Variants in APC2 observed in about 807,000 individuals in gnomAD.
APC2 encodes adenomatous polyposis coli protein 2.
A neutral mutation model predicts 72.5 loss-of-function variants in APC2; 41 were observed. The ratio of observed to expected loss-of-function variants is 0.57; its 90% CI spans 0.44 to 0.73. APC2 has a LOEUF of 0.73. Among genes scored for constraint, APC2 ranks in the 30% least tolerant of loss-of-function variants. The pLI is 0.00. For missense variants in APC2, 3,729 were observed against 3,403.4 expected, an observed-to-expected ratio of 1.10 and a Z score of -2.38; for synonymous variants, 1,898 against 1,612.0, an observed-to-expected ratio of 1.18 and a Z score of -4.25.
In APC2 at chr19:1,460,837, G is replaced by C. The variant is rs372789581; in HGVS notation, c.1501G>C (p.Asp501His). Reference protein sequence around the residue: ...MEAIVAQLASDSEELHQVVSS... With the variant: ...MEAIVAQLASHSEELHQVVSS... The stretch of plus-strand genomic sequence containing the variant: ...GGCCATCGTGGCCCAGCTGGCCTCC[G>C]ACAGTGAGGAGCTCCACCAGGTACA... The change falls in exon 12 of 15, where the codon GAC becomes CAC. Residue 501 changes from aspartate to histidine, a missense_variant. Physicochemically the swap from Asp to His is moderately conservative, Grantham distance 81 (BLOSUM62 -1). Transcript: ENST00000590469. 6.2e-6 allele frequency: 10 copies of C among 1,613,172 alleles called. No individual in the cohort carries two copies. In the Admixed American group the frequency reaches 1.5e-4, roughly 24 times the overall value.
Position 1,466,295 on chromosome 19 carries a change from C to G in APC2, c.2994C>G (p.Thr998=). Reference sequence around the variant, plus strand: ...TGCGCACCATCAAGCTGTCGCCTACCTATCAGCACGTGCCACTGCTTGAGG... The same window carrying G: ...TGCGCACCATCAAGCTGTCGCCTACGTATCAGCACGTGCCACTGCTTGAGG... ...ARVRTIKLSP[T]YQHVPLLEGA... is the part of the protein sequence containing the mutation. Residue 998 remains threonine, a synonymous_variant, in exon 15 of 15, where the codon ACC becomes ACG. Transcript: ENST00000590469. 1 of 1,536,658 alleles carries G rather than the reference C, an allele frequency of 6.5e-7. No homozygotes were observed. The highest frequency in any genetic ancestry group is 1.4e-5 in the African/African-American group (1 of 72,910).
At chr19:1,464,420 G>A (rs963725339) in intron 14 of APC2, among the ~76,000 whole-genome samples, 2 of 151,790 alleles carry the variant, frequency 1.3e-5, no homozygotes, top group Non-Finnish European at 1.5e-5. Context: ...CCTGGTCATC[G>A]TGGCTCACGC....
intron 10 of APC2, 34 bp from the exon 11 acceptor site, chr19:1,460,147 C>A (rs1396499824): frequency 6.2e-7 from 1 of 1,612,128 alleles, no homozygotes; most frequent in Non-Finnish European, 8.5e-7. Flanking sequence ...CAGGGTCATC[C>A]CTGCCACCCA....
chr19:1,450,584 G>A (rs1204719899), intron 1 of APC2, among the ~76,000 whole-genome samples: 1 of 152,214 alleles, frequency 6.6e-6, no homozygotes, highest in Non-Finnish European at 1.5e-5. Flanking sequence ...GAAGGGATGG[G>A]CAGGCCAGTG....
upstream of APC2, among the ~76,000 whole-genome samples, chr19:1,449,654 C>G (rs1034034153): frequency 1.3e-5 from 2 of 152,082 alleles, no homozygotes; most frequent in African/African-American, 4.8e-5. Flanking sequence ...CTCCCCTCCC[C>G]ACCAGGCAGG....
chr19:1,460,701 A>C, intron 11 of APC2, 79 bp from the exon 12 acceptor site: 1 of 1,417,408 alleles, frequency 7.1e-7, no homozygotes, highest in Non-Finnish European at 9.7e-7. Context: ...GCTGCAGCAC[A>C]CAGACGGGGC....
Position 1,468,868 on chromosome 19 carries a change from G to A in APC2, c.5567G>A (p.Ser1856Asn). 1 of 1,544,086 alleles carries A rather than the reference G, an allele frequency of 6.5e-7. No individual in the cohort carries two copies. Among genetic ancestry groups the A allele is most frequent in the Non-Finnish European group, 8.7e-7 (1 of 1,152,670 alleles). Residue 1856 changes from serine to asparagine, a missense_variant, in exon 15 of 15, where the codon AGC becomes AAC. Transcript: ENST00000590469. ...PAKTSELATL[S>N]QPPRSATPPA... The stretch of plus-strand genomic sequence containing the variant: ...AAGACCTCGGAGCTGGCGACGCTGA[G>A]CCAGCCCCCCAGAAGCGCCACACCG...
chr19:1,456,017 G>C (rs1006121916), intron 6 of APC2, 59 bp from the exon 7 acceptor site: 3 of 1,476,736 alleles, frequency 2.0e-6, no homozygotes, highest in Non-Finnish European at 2.7e-6. Context: ...AGGGAGAGGC[G>C]GGGTCAGAGC....
At chr19:1,463,706 C>T (rs1367361191) in intron 14 of APC2, among the ~76,000 whole-genome samples, 3 of 152,010 alleles carry the variant, frequency 2.0e-5, no homozygotes, top group South Asian at 2.1e-4. Flanking sequence ...CCTGTGATCA[C>T]GCTACTGCAC....
At chr19:1,460,403 C>T (rs1056690375) in intron 11 of APC2, 83 bp downstream of exon 11, 28 of 1,583,616 alleles carry the variant, frequency 1.8e-5, no homozygotes, top group East Asian at 2.2e-5. Flanking sequence ...ATCCCAGCCT[C>T]GAAACAGCCC....
At position 1,452,168 on chromosome 19, in the gene APC2, A is replaced by T. The variant is rs972889707; in HGVS notation, c.-18-816A>T. The stretch of plus-strand genomic sequence containing the variant: ...CGAGCCGAGGGAGGAGGCGCCGGCC[A>T]GCTGGACAGAGGGAGGAGGCCAGGC... On this transcript the variant is annotated intron_variant, in intron 1 of 14. Transcript: ENST00000590469. This position sits in a 1 kb window ranked among gnomAD's most constrained non-coding sequence, Gnocchi z 5.1. 6.5e-6 allele frequency: 1 copy of T among 153,464 alleles called. No individual in the cohort carries two copies. The highest frequency in any genetic ancestry group is 2.4e-5 in the African/African-American group (1 of 41,428). The allele number at this position is 153,464 out of a possible 1,614,324, so 9.5% of individuals were successfully genotyped here.
Position 1,468,060 on chromosome 19 carries a change from A to G in APC2, c.4759A>G (p.Ser1587Gly), listed in dbSNP as rs767728609. 1.9e-6 allele frequency: 3 copies of G among 1,570,170 alleles called. No homozygotes were observed. The highest frequency in any genetic ancestry group is 2.4e-5 in the East Asian group (1 of 41,430). The change falls in exon 15 of 15, where the codon AGC becomes GGC. Residue 1587 changes from serine (S) to glycine (G), a missense_variant. Physicochemically the swap from Ser to Gly is moderately conservative, Grantham distance 56. Transcript: ENST00000590469. ...YSLSSSASSL[S>G]EPEPSEPPAV... ...CCTGAGCTCCTCCGCCAGCTCCCTC[A>G]GCGAGCCCGAGCCCTCGGAGCCGCC...
intron 4 of APC2, among the ~76,000 whole-genome samples, chr19:1,454,465 A>G (rs1227551460): frequency 6.6e-6 from 1 of 151,332 alleles, no homozygotes; most frequent in Non-Finnish European, 1.5e-5. Flanking sequence ...TGCAGCCTCG[A>G]ACTCCTGGGT....
Position 1,453,347 on chromosome 19 carries a change from G to A in APC2, c.232+10G>A. ...CTGGAGCAGCTGAAGGGTGAGCGGTGGGGCCACCCGCAGAGGGAGTGGGGG... is the reference window on the plus strand; with the variant it reads ...CTGGAGCAGCTGAAGGGTGAGCGGTAGGGCCACCCGCAGAGGGAGTGGGGG... On this transcript the variant is annotated intron_variant, in intron 3 of 14. Coordinates refer to ENST00000590469, the MANE Select transcript of APC2 (RefSeq NM_005883.3). 3.1e-6 allele frequency: 5 copies of A among 1,609,834 alleles called. No homozygotes were observed. The highest frequency in any genetic ancestry group is 2.2e-5 in the East Asian group (1 of 44,716).
chr19:1,453,959 G>A (rs1380873867), intron 4 of APC2, among the ~76,000 whole-genome samples: 2 of 152,208 alleles, frequency 1.3e-5, no homozygotes, highest in African/African-American at 2.4e-5. Flanking sequence ...GCCAGGCCTG[G>A]AGCCAGGCGG....
Position 1,460,851 on chromosome 19 carries a change from C to T in APC2, c.1515C>T (p.Leu505=), listed in dbSNP as rs754414499. 4 of 1,613,190 alleles carry T rather than the reference C, an allele frequency of 2.5e-6. No homozygotes were observed. In the Admixed American group the frequency reaches 6.7e-5, roughly 27 times the overall value. The change falls in exon 12 of 15, where the codon CTC becomes CTT. Residue 505 remains leucine, a synonymous_variant. Transcript: ENST00000590469. ...AGCTGGCCTCCGACAGTGAGGAGCT[C>T]CACCAGGTACAGGGCGGGGTGCTGG... The part of the protein sequence containing the change: ...VAQLASDSEE[L]HQVVSSILRN...
At chr19:1,447,843 G>A (rs2145168418), upstream of APC2, among the ~76,000 whole-genome samples, 1 of 152,244 alleles carries the variant, frequency 6.6e-6, no homozygotes, top group East Asian at 1.9e-4. Context: ...CAGGCAACAC[G>A]TTCCCTGGCC....
chr19:1,448,888 C>A (rs2145170407), upstream of APC2, among the ~76,000 whole-genome samples: 1 of 152,240 alleles, frequency 6.6e-6, no homozygotes, highest in Non-Finnish European at 1.5e-5. Context: ...AAGAAAAGAT[C>A]CCCTGTGTCT....
Position 1,452,221 on chromosome 19 carries a change from A to C in APC2, c.-18-763A>C, listed in dbSNP as rs373498015. 6.5e-6 allele frequency: 1 copy of C among 153,098 alleles called. No individual in the cohort carries two copies. Among genetic ancestry groups the C allele is most frequent in the South Asian group, 2.0e-4 (1 of 4,984 alleles). 9.5% of individuals were successfully genotyped at this position (153,098 alleles called of 1,614,324 possible). On this transcript the variant is annotated intron_variant, in intron 1 of 14. Transcript: ENST00000590469. The surrounding 1 kb of genome is among the most constrained non-coding windows in gnomAD (Gnocchi z 5.1). ...GAGCCAGAAGACGGCCAGAGGCACA[A>C]AGAAGCCAGCGCGCTGGCAGAGTCA...
Sources: gnomAD v4.1 joint callset for allele counts (sites outside exome capture counted in the v4.1 genomes callset) on GRCh38, gnomAD v4.1.1 for gene constraint, Gnocchi (gnomAD v3.1) non-coding constraint, MANE v1.5 for transcripts, NCBI Gene and HGNC (gene_info 2026-07-23, HGNC 2026-07-21) for gene names.